DOP1A: variants seen among roughly 807,000 people sequenced by gnomAD.
DOP1A encodes the protein protein DOP1A.
Under a neutral mutation model 267.6 loss-of-function variants are expected in DOP1A, and 90 were observed. The ratio of observed to expected loss-of-function variants is 0.34; its 90% CI spans 0.28 to 0.40. The LOEUF (loss-of-function observed/expected upper bound fraction) is 0.40, where lower values mean the gene tolerates loss of function less well. Ranked by LOEUF, DOP1A falls within the 10% of genes least tolerant of loss-of-function variation. The pLI is 1.00. For synonymous variants in DOP1A, 932 were observed against 999.1 expected (o/e 0.93, Z 1.27); for missense variants, 2,437 against 2,900.4 (o/e 0.84, Z 3.67).
rs551453173 is a variant in DOP1A, at chr6:83,123,053, T to TA, written c.1340+72dup. ...AACCTTTGGGTTTTTTTTAAGTTGTTACATTTAATGAATGTTCTTTTATAC... is the reference window on the plus strand; with the variant it reads ...AACCTTTGGGTTTTTTTTAAGTTGTTAACATTTAATGAATGTTCTTTTATAC... On this transcript the variant is annotated intron_variant, in intron 12 of 38. Coordinates refer to ENST00000349129, the MANE Select transcript of DOP1A (RefSeq NM_015018.4). The TA allele has an allele frequency of 2.9e-4, 433 of 1,481,718 alleles. 3 individuals carry two copies. In the African/African-American group the frequency reaches 5.6e-3, roughly 19 times the overall value. The allele number at this position is 1,481,718 out of a possible 1,614,324, so 91.8% of individuals were successfully genotyped here.
chr6:83,164,636 G>C (rs1021667596), intron 38 of DOP1A: 2 of 1,557,644 alleles, frequency 1.3e-6, no homozygotes. Context: ...CAAAGGCTGT[G>C]AGTTCTCCTC....
rs1007506694 is a variant in DOP1A, at chr6:83,099,711, T to A, written c.139-994T>A. ...GTGTGTGTGTGTGTGTGTGTGTGTA[T>A]ATACATATATATATATATATACACA... On this transcript the variant is annotated intron_variant, in intron 3 of 38. Transcript: ENST00000349129. 2.8e-3 allele frequency among the ~76,000 whole-genome samples: 137 copies of A among 49,700 alleles called. 1 individual carries two copies. Among genetic ancestry groups the A allele is most frequent in the African/African-American group, 7.2e-3 (130 of 18,162 alleles). The allele number at this position is 49,700 out of a possible 152,430, so 32.6% of individuals were successfully genotyped here.
intron 1 of DOP1A, among the ~76,000 whole-genome samples, chr6:83,082,982 A>G (rs1768403076): frequency 1.3e-5 from 2 of 151,660 alleles, no homozygotes; most frequent in South Asian, 4.2e-4. Context: ...TAATTTTTGT[A>G]TTTTTATTAG....
chr6:83,095,352 A>AGTAACTTTT (rs1167011056), intron 1 of DOP1A, among the ~76,000 whole-genome samples: 2 of 152,190 alleles, frequency 1.3e-5, no homozygotes, highest in Admixed American at 1.3e-4. Context: ...TCTATTTTAA[A>AGTAACTTTT]GTAACTTTTG....
At chr6:83,091,389 T>C (rs1203909399) in intron 1 of DOP1A, among the ~76,000 whole-genome samples, 1 of 152,098 alleles carries the variant, frequency 6.6e-6, no homozygotes, top group African/African-American at 2.4e-5. Flanking sequence ...ATTTTGCTTT[T>C]AATATTTTGT....
At chr6:83,147,923 T>C (rs1421699671) in intron 26 of DOP1A, among the ~76,000 whole-genome samples, 1 of 152,186 alleles carries the variant, frequency 6.6e-6, no homozygotes, top group Non-Finnish European at 1.5e-5. Context: ...TAAAGACTAA[T>C]GTTCAGTTGA....
Position 83,138,586 on chromosome 6 carries a change from T to C in DOP1A, c.4544T>C (p.Ile1515Thr). 2 of 1,613,904 alleles carry C rather than the reference T, an allele frequency of 1.2e-6. No individual in the cohort carries two copies. Among genetic ancestry groups the C allele is most frequent in the Non-Finnish European group, 1.7e-6 (2 of 1,179,938 alleles). Residue 1515 changes from isoleucine (I) to threonine (T), a missense_variant, in exon 21 of 39, where the codon ATT becomes ACT. Ile to Thr is a moderately conservative substitution (Grantham distance 89). Around this residue, in one of 9 missense-constraint regions of DOP1A, gnomAD observed 878 missense variants for 992.9 expected, o/e 0.88. Coordinates refer to ENST00000349129, the MANE Select transcript of DOP1A (RefSeq NM_015018.4). Reference sequence around the variant, plus strand: ...TCAGCGAAGGGTTTCCCTAGTTTTATTTCTGATATGTTATCTAAGTGCAAA... The same window carrying C: ...TCAGCGAAGGGTTTCCCTAGTTTTACTTCTGATATGTTATCTAAGTGCAAA... ...ESSAKGFPSF[I>T]SDMLSKCKVQ...
At chr6:83,075,980 A>T (rs2127994130) in intron 1 of DOP1A, among the ~76,000 whole-genome samples, 1 of 152,342 alleles carries the variant, frequency 6.6e-6, no homozygotes, top group South Asian at 2.1e-4. Context: ...AGCAAAAATA[A>T]AAAATAGGAT....
intron 7 of DOP1A, among the ~76,000 whole-genome samples, chr6:83,118,626 A>G (rs1203131792): frequency 6.6e-6 from 1 of 152,062 alleles, no homozygotes; most frequent in Non-Finnish European, 1.5e-5. Context: ...ATTTGCTTTT[A>G]TTATATAGAC....
At chr6:83,120,928 C>A in intron 10 of DOP1A, 137 bp downstream of exon 10, 1 of 551,816 alleles carries the variant, frequency 1.8e-6, no homozygotes, top group Non-Finnish European at 3.0e-6. Context: ...TCTTAAAGTT[C>A]ACTCTACAAA....
chr6:83,081,334 C>T (rs926121890), intron 1 of DOP1A, among the ~76,000 whole-genome samples: 3 of 152,124 alleles, frequency 2.0e-5, no homozygotes, highest in African/African-American at 7.2e-5. Flanking sequence ...TCTCCAACTT[C>T]TGGCTCAAGT....
In DOP1A at chr6:83,100,886, G is replaced by A; in HGVS notation, c.320G>A (p.Ser107Asn). ...CTTGCCAAAGATCTTTTTTTATATA[G>A]GTAAGAATAATTTTACTATATATAT... ...KRLAKDLFLYSSGLFPLLANA... is the reference protein window; with the variant it reads ...KRLAKDLFLYNSGLFPLLANA... The change falls in exon 4 of 39, where the codon AGT becomes AAT. Residue 107 changes from serine to asparagine, a missense_variant and splice_region_variant. Transcript: ENST00000349129. 2.0e-6 allele frequency: 3 copies of A among 1,494,866 alleles called. No homozygotes were observed. Among genetic ancestry groups the A allele is most frequent in the Non-Finnish European group, 2.7e-6 (3 of 1,117,480 alleles). 92.6% of individuals were successfully genotyped at this position (1,494,866 alleles called of 1,614,324 possible).
intron 16 of DOP1A, 89 bp downstream of exon 16, chr6:83,129,597 T>C (rs540388089): frequency 4.7e-6 from 6 of 1,265,952 alleles, no homozygotes; most frequent in Non-Finnish European, 6.2e-6. Context: ...TGGGGTTTTT[T>C]TAGCCAGTTA....
chr6:83,153,262 TTTC>T (rs1782094267), intron 30 of DOP1A: 1 of 266,098 alleles, frequency 3.8e-6, no homozygotes, highest in South Asian at 1.4e-4. Flanking sequence ...CTTGAACTCT[TTTC>T]TTTTTTGTAC....
chr6:83,153,351 G>A (rs1423458806), intron 30 of DOP1A, 160 bp from the exon 31 acceptor site: 1 of 462,946 alleles, frequency 2.2e-6, no homozygotes, highest in Non-Finnish European at 3.7e-6. Flanking sequence ...AAAAGCAGAT[G>A]GTGGCAAAAC....
Position 83,075,330 on chromosome 6 carries a change from C to T in DOP1A, c.-147+7551C>T, listed in dbSNP as rs145629281. On this transcript the variant is annotated intron_variant, in intron 1 of 38. Coordinates refer to ENST00000349129, the MANE Select transcript of DOP1A (RefSeq NM_015018.4). ...GACAGATGAGGTCTCTCTGTTATAG[C>T]GATTACCACCCCTGGAGTCACAGTT... Among the ~76,000 whole-genome samples, 550 of 152,178 alleles carry T rather than the reference C, an allele frequency of 3.6e-3. 6 individuals carry two copies. Among genetic ancestry groups the T allele is most frequent in the Non-Finnish European group, 4.5e-3 (304 of 68,018 alleles).
In DOP1A at chr6:83,129,325, A is replaced by G. The variant is rs759967952; in HGVS notation, c.2158A>G (p.Lys720Glu). 21 of 1,605,212 alleles carry G rather than the reference A, an allele frequency of 1.3e-5. No individual in the cohort carries two copies. In the Admixed American group the frequency reaches 2.1e-4, roughly 16 times the overall value. The change falls in exon 16 of 39, where the codon AAA (lysine) becomes GAA (glutamate). Residue 720 changes from lysine (K) to glutamate (E), a missense_variant. Coordinates refer to ENST00000349129, the MANE Select transcript of DOP1A (RefSeq NM_015018.4). Reference sequence around the variant, plus strand: ...TGGTCGAGAACAAGGAGAGACTTCAAAATGGGACAGAAATTCACAAGGAGA... The same window carrying G: ...TGGTCGAGAACAAGGAGAGACTTCAGAATGGGACAGAAATTCACAAGGAGA... ...DLGREQGETSKWDRNSQGDVK... is the reference protein window; with the variant it reads ...DLGREQGETSEWDRNSQGDVK...
intron 34 of DOP1A, 75 bp from the exon 35 acceptor site, chr6:83,157,107 A>G (rs1422641199): frequency 2.1e-6 from 3 of 1,444,878 alleles, no homozygotes; most frequent in Non-Finnish European, 2.8e-6. Flanking sequence ...GTTTGAGAGT[A>G]CTGGACCGAC....
At chr6:83,084,570 TTTG>T (rs1249051508) in intron 1 of DOP1A, among the ~76,000 whole-genome samples, 1 of 151,854 alleles carries the variant, frequency 6.6e-6, no homozygotes, top group Non-Finnish European at 1.5e-5. Context: ...ACCTAAGTAG[TTTG>T]TTTTTTTTGT....
Sources: gnomAD v4.1 joint callset for allele counts (sites outside exome capture counted in the v4.1 genomes callset) on GRCh38, gnomAD v4.1.1 for gene constraint, gnomAD v4.1.1 regional missense constraint, MANE v1.5 for transcripts, NCBI Gene and HGNC (gene_info 2026-07-23, HGNC 2026-07-21) for gene names.